Variants in ADAM33 observed in about 807,000 individuals in gnomAD.
ADAM33 encodes the protein disintegrin and metalloproteinase domain-containing protein 33.
In ADAM33, 103 loss-of-function variants were observed where a neutral mutation model predicts 106.2. The ratio of observed to expected loss-of-function variants is 0.97; its 90% CI spans 0.83 to 1.14. The LOEUF (loss-of-function observed/expected upper bound fraction) is 1.14, where lower values mean the gene tolerates loss of function less well. Ranked by LOEUF, ADAM33 falls within the 50% of genes most tolerant of loss-of-function variation. The pLI, the probability that ADAM33 is intolerant of heterozygous loss-of-function variation, is 0.00. For missense variants in ADAM33, 1,120 were observed against 1,096.6 expected (o/e 1.02, Z -0.30); for synonymous variants, 483 against 453.0 (o/e 1.07, Z -0.84).
In ADAM33 at chr20:3,675,073, T is replaced by C. The variant is rs772630539; in HGVS notation, c.287A>G (p.His96Arg). 6.2e-7 allele frequency: 1 copy of C among 1,613,300 alleles called. No homozygotes were observed. The change falls in exon 4 of 22, where the codon CAC becomes CGC. Residue 96 changes from histidine to arginine, a missense_variant. His to Arg is a conservative substitution (Grantham distance 29). Transcript: ENST00000356518. This position sits in a 1 kb window ranked among gnomAD's most constrained non-coding sequence, Gnocchi z 4.1. ...CACTGGCTGCCCATCTGGGCCGTAGTGGGTTTCTATGTATCCTGGGGCCAG... is the reference window on the plus strand; with the variant it reads ...CACTGGCTGCCCATCTGGGCCGTAGCGGGTTTCTATGTATCCTGGGGCCAG... Reference protein sequence around the residue: ...RLLAPGYIETHYGPDGQPVVL... With the variant: ...RLLAPGYIETRYGPDGQPVVL...
Position 3,671,885 on chromosome 20 carries a change from A to C in ADAM33, c.1698T>G (p.Cys566Trp), listed in dbSNP as rs371215440. ...TCAGCTCCACTCCCTACCTCCCTGC[A>C]CAGGGCAGGAAGTGGCCCTCGCTGT... ...GQDSEGHFLPCAGRDALCGKL... is the reference protein window; with the variant it reads ...GQDSEGHFLPWAGRDALCGKL... Residue 566 changes from cysteine to tryptophan, a missense_variant, in exon 15 of 22, where the codon TGT (cysteine) becomes TGG (tryptophan). Coordinates refer to ENST00000356518, the MANE Select transcript of ADAM33 (RefSeq NM_025220.5). The C allele has an allele frequency of 4.6e-5, 71 of 1,552,648 alleles. No individual in the cohort carries two copies. The highest frequency in any genetic ancestry group is 6.0e-5 in the Non-Finnish European group (69 of 1,147,532).
In ADAM33 at chr20:3,673,469, C is replaced by A. The variant is rs1241759274; in HGVS notation, c.1018G>T (p.Ala340Ser). 1.3e-6 allele frequency: 2 copies of A among 1,542,628 alleles called. No homozygotes were observed. The highest frequency in any genetic ancestry group is 2.8e-5 in the African/African-American group (2 of 72,312). Residue 340 changes from alanine to serine, a missense_variant, in exon 11 of 22, where the codon GCA (alanine) becomes TCA (serine). Physicochemically the swap from Ala to Ser is moderately conservative, Grantham distance 99. Coordinates refer to ENST00000356518, the MANE Select transcript of ADAM33 (RefSeq NM_025220.5). ...CCGATCTCATGGGCCATGGTGGCTG[C>A]GGCGCCGATGGGGAGCTCCGAGTGG... Reference protein sequence around the residue: ...TDHSELPIGAAATMAHEIGHS... With the variant: ...TDHSELPIGASATMAHEIGHS...
At position 3,674,347 on chromosome 20, in the gene ADAM33, C is replaced by T. The variant is rs2087795013; in HGVS notation, c.601-63G>A. The T allele has an allele frequency of 2.5e-6, 4 of 1,610,426 alleles. No individual in the cohort carries two copies. In the South Asian group the frequency reaches 4.4e-5, roughly 18 times the overall value. ...CTGGGCTTGAGCCCTGACCACCAAT[C>T]CCAGCTCCCAGAAGGAAGTTTAACA... On this transcript the variant is annotated intron_variant, in intron 6 of 21. Transcript: ENST00000356518.
chr20:3,673,436 G>A lies in ADAM33; in HGVS notation c.1051C>T (p.Leu351Phe), dbSNP rs770363600. The A allele has an allele frequency of 1.8e-5, 29 of 1,576,942 alleles. No individual in the cohort carries two copies. In the South Asian group the frequency reaches 3.1e-4, roughly 17 times the overall value. The change falls in exon 11 of 22, where the codon CTC (leucine) becomes TTC (phenylalanine). Residue 351 changes from leucine to phenylalanine, a missense_variant. Physicochemically the swap from Leu to Phe is conservative, Grantham distance 22 (BLOSUM62 0). Coordinates refer to ENST00000356518, the MANE Select transcript of ADAM33 (RefSeq NM_025220.5). ...CCGTCGGGGTCGTGGCTGAGGCCGA[G>A]GCTGTGGCCGATCTCATGGGCCATG... ...ATMAHEIGHS[L>F]GLSHDPDGCC...
intron 11 of ADAM33, 154 bp from the exon 12 acceptor site, chr20:3,673,052 G>A (rs2087660999): frequency 1.4e-6 from 2 of 1,437,916 alleles, no homozygotes; most frequent in Non-Finnish European, 9.1e-7. Context: ...AAGCGGGACA[G>A]GGGACGATGC....
Position 3,673,412 on chromosome 20 carries a change from C to T in ADAM33, c.1075G>A (p.Gly359Ser), listed in dbSNP as rs1434808208. Reference protein sequence around the residue: ...HSLGLSHDPDGCCVEAAAESG... With the variant: ...HSLGLSHDPDSCCVEAAAESG... Reference sequence around the variant, plus strand: ...TCGGCCGCAGCCTCCACGCAGCAGCCGTCGGGGTCGTGGCTGAGGCCGAGG... The same window carrying T: ...TCGGCCGCAGCCTCCACGCAGCAGCTGTCGGGGTCGTGGCTGAGGCCGAGG... The change falls in exon 11 of 22, where the codon GGC becomes AGC. Residue 359 changes from glycine to serine, a missense_variant. Coordinates refer to ENST00000356518, the MANE Select transcript of ADAM33 (RefSeq NM_025220.5). The T allele has an allele frequency of 1.3e-6, 2 of 1,560,890 alleles. No individual in the cohort carries two copies. The highest frequency in any genetic ancestry group is 1.7e-6 in the Non-Finnish European group (2 of 1,160,330).
At chr20:3,669,219 G>A in intron 21 of ADAM33, 80 bp downstream of exon 21, 2 of 1,357,408 alleles carry the variant, frequency 1.5e-6, no homozygotes. Context: ...ACCTGATTAG[G>A]GGGCAGCAAA....
chr20:3,670,776 T>C (rs771019493), intron 19 of ADAM33, among the ~76,000 whole-genome samples: 2 of 151,902 alleles, frequency 1.3e-5, no homozygotes, highest in Non-Finnish European at 2.9e-5. Context: ...TACTGGGAGG[T>C]AGAGGGCCAT....
At chr20:3,670,890 T>G in intron 19 of ADAM33, 116 bp downstream of exon 19, 5 of 1,380,440 alleles carry the variant, frequency 3.6e-6, no homozygotes, top group Non-Finnish European at 4.8e-6. Flanking sequence ...CCTCTGGGGC[T>G]GCTCTCTGCA....
chr20:3,679,159 G>C (rs1183414906), intron 2 of ADAM33, among the ~76,000 whole-genome samples: 1 of 112,636 alleles, frequency 8.9e-6, no homozygotes, highest in African/African-American at 3.8e-5. Flanking sequence ...TTTTTTAGAG[G>C]CTCCTGAAAA....
chr20:3,679,323 C>T (rs140327974), intron 2 of ADAM33, among the ~76,000 whole-genome samples, 169 bp downstream of exon 2: 2 of 151,878 alleles, frequency 1.3e-5, no homozygotes, highest in African/African-American at 2.4e-5. Flanking sequence ...TGTCCAAACC[C>T]CAGTGCCTTC....
At chr20:3,672,032 G>T in intron 14 of ADAM33, 47 bp from the exon 15 acceptor site, 1 of 1,552,734 alleles carries the variant, frequency 6.4e-7, no homozygotes, top group Non-Finnish European at 8.7e-7. Context: ...GAGGGGCTGC[G>T]CTCAGCGGGC....
intron 21 of ADAM33, 42 bp downstream of exon 21, chr20:3,669,257 G>T (rs376157479): frequency 9.8e-6 from 15 of 1,523,744 alleles, no homozygotes; most frequent in Admixed American, 4.7e-5. Flanking sequence ...TGGGAGGGTG[G>T]GCGATGAGAG....
intron 4 of ADAM33, 89 bp from the exon 5 acceptor site, chr20:3,674,938 G>T (rs546624662): frequency 3.1e-6 from 5 of 1,606,774 alleles, no homozygotes; most frequent in Middle Eastern, 1.7e-4. Flanking sequence ...GGCTCCAACC[G>T]CCCCTTAGGA....
intron 1 of ADAM33, among the ~76,000 whole-genome samples, chr20:3,680,524 G>T (rs2088395976): frequency 6.6e-6 from 1 of 152,170 alleles, no homozygotes; most frequent in Admixed American, 6.5e-5. Context: ...CTTCCTCCAA[G>T]AAGCCCTCCT....
At chr20:3,677,909 G>A (rs544238613) in intron 2 of ADAM33, among the ~76,000 whole-genome samples, 4 of 152,312 alleles carry the variant, frequency 2.6e-5, no homozygotes, top group East Asian at 1.9e-4. Flanking sequence ...AGTTGGAGCC[G>A]GCCCAGGAGC....
At chr20:3,669,425 G>A in intron 20 of ADAM33, 55 bp from the exon 21 acceptor site, 4 of 1,562,868 alleles carry the variant, frequency 2.6e-6, no homozygotes, top group Non-Finnish European at 3.5e-6. Flanking sequence ...GGAGCCCCTG[G>A]GGCTGGGGAG....
Position 3,675,728 on chromosome 20 carries a change from A to G in ADAM33, c.255-623T>C, listed in dbSNP as rs2087899140. Among the ~76,000 whole-genome samples, 1 of 152,034 alleles carries G rather than the reference A, an allele frequency of 6.6e-6. No homozygotes were observed. The highest frequency in any genetic ancestry group is 2.4e-5 in the African/African-American group (1 of 41,374). On this transcript the variant is annotated intron_variant, in intron 3 of 21. Coordinates refer to ENST00000356518, the MANE Select transcript of ADAM33 (RefSeq NM_025220.5). This position sits in a 1 kb window ranked among gnomAD's most constrained non-coding sequence, Gnocchi z 4.1. ...CCACACCCACTCCGGTAATGATTCC[A>G]TCTTCAGGCTCCATCTCAACAGGAT... is the stretch of plus-strand genomic sequence containing the variant.
At position 3,673,497 on chromosome 20, in the gene ADAM33, C is replaced by T. The variant is rs1418061658; in HGVS notation, c.991-1G>A. On this transcript the variant is annotated splice_acceptor_variant, in intron 10 of 21. Coordinates refer to ENST00000356518, the MANE Select transcript of ADAM33 (RefSeq NM_025220.5). LOFTEE classifies it high-confidence loss of function. The stretch of plus-strand genomic sequence containing the variant: ...CGCCGATGGGGAGCTCCGAGTGGTC[C>T]TGGGGGGCCGTGGGAGGGCGGTCAC... 3 of 1,492,606 alleles carry T rather than the reference C, an allele frequency of 2.0e-6. No individual in the cohort carries two copies. The highest frequency in any genetic ancestry group is 2.7e-6 in the Non-Finnish European group (3 of 1,129,718). The allele number at this position is 1,492,606 out of a possible 1,614,324, so 92.5% of individuals were successfully genotyped here.
Sources: gnomAD v4.1 joint callset for allele counts (sites outside exome capture counted in the v4.1 genomes callset) on GRCh38, gnomAD v4.1.1 for gene constraint, Gnocchi (gnomAD v3.1) non-coding constraint, MANE v1.5 for transcripts, NCBI Gene and HGNC (gene_info 2026-07-23, HGNC 2026-07-21) for gene names.